Variants in PUM2 observed in about 807,000 individuals in gnomAD.
PUM2 encodes pumilio homolog 2.
A neutral mutation model predicts 124.5 loss-of-function variants in PUM2; 57 were observed. The ratio of observed to expected loss-of-function variants is 0.46; its 90% CI spans 0.37 to 0.57. PUM2 has a LOEUF of 0.57. Among genes scored for constraint, PUM2 ranks in the 20% least tolerant of loss-of-function variants. The pLI, the probability that PUM2 is intolerant of heterozygous loss-of-function variation, is 0.00. For missense variants in PUM2, 1,065 were observed against 1,290.6 expected (o/e 0.83, Z 2.68); for synonymous variants, 460 against 446.1 (o/e 1.03, Z -0.39).
chr2:20,303,367 C>A (rs1677449565), intron 7 of PUM2, among the ~76,000 whole-genome samples: 1 of 151,190 alleles, frequency 6.6e-6, no homozygotes, highest in African/African-American at 2.4e-5. Context: ...GGCCACTGCA[C>A]TCTATGCCTG....
intron 13 of PUM2, among the ~76,000 whole-genome samples, chr2:20,264,355 AAAAAAAAAAAAAATATAT>A (rs1482849103): frequency 5.6e-5 from 4 of 71,594 alleles, no homozygotes; most frequent in African/African-American, 2.2e-4. Context: ...AAAAAAAAAA[AAAAAAAAAAAAAATATAT>A]ATATATATAT....
chr2:20,255,410 G>A, intron 17 of PUM2, 69 bp from the exon 18 acceptor site: 1 of 1,433,514 alleles, frequency 7.0e-7, no homozygotes, highest in Non-Finnish European at 9.3e-7. Flanking sequence ...GAAGCAGACT[G>A]GTTTGTTTTT....
upstream of PUM2, among the ~76,000 whole-genome samples, chr2:20,351,061 C>T (rs1689287864): frequency 6.6e-6 from 1 of 152,198 alleles, no homozygotes; most frequent in Non-Finnish European, 1.5e-5. Context: ...CGGGCTCGCG[C>T]TTCCCTCCTG....
chr2:20,266,801 A>G (rs1667766748), intron 13 of PUM2, among the ~76,000 whole-genome samples: 1 of 152,084 alleles, frequency 6.6e-6, no homozygotes, highest in South Asian at 2.1e-4. Context: ...GTAATCCGTG[A>G]TCCTCAATTT....
At chr2:20,284,559 T>C (rs1008606970) in intron 10 of PUM2, among the ~76,000 whole-genome samples, 2 of 152,140 alleles carry the variant, frequency 1.3e-5, no homozygotes, top group Non-Finnish European at 2.9e-5. Context: ...GGCCTCACTA[T>C]GTTGCCTAGC....
At chr2:20,276,283 G>A (rs963537814) in intron 13 of PUM2, among the ~76,000 whole-genome samples, 5 of 140,470 alleles carry the variant, frequency 3.6e-5, no homozygotes, top group Admixed American at 7.4e-5. Flanking sequence ...TTGAAAGACA[G>A]CACAGACTGT....
At chr2:20,322,200 T>C (rs1253409808) in intron 2 of PUM2, among the ~76,000 whole-genome samples, 1 of 152,130 alleles carries the variant, frequency 6.6e-6, no homozygotes, top group East Asian at 1.9e-4. Flanking sequence ...AATCATGCCA[T>C]GAGAAGATAT....
chr2:20,274,996 CAAT>C (rs939011098), intron 13 of PUM2, among the ~76,000 whole-genome samples: 28 of 56,230 alleles, frequency 5.0e-4, no homozygotes, highest in African/African-American at 1.5e-3. Context: ...CTATCCTAGA[CAAT>C]GATGTATAAA....
At chr2:20,283,730 T>C (rs538284365) in intron 10 of PUM2, among the ~76,000 whole-genome samples, 4 of 152,126 alleles carry the variant, frequency 2.6e-5, no homozygotes, top group African/African-American at 9.6e-5. Context: ...AATGAAGAGG[T>C]ATTTTCCTTA....
chr2:20,308,661 T>G, intron 5 of PUM2, 77 bp from the exon 6 acceptor site: 1 of 1,395,100 alleles, frequency 7.2e-7, no homozygotes, highest in Non-Finnish European at 9.7e-7. Context: ...AGAAAAATCA[T>G]GAAAAACAAA....
At chr2:20,315,855 A>AAC (rs1251051188) in intron 3 of PUM2, among the ~76,000 whole-genome samples, 5 of 151,246 alleles carry the variant, frequency 3.3e-5, no homozygotes, top group African/African-American at 1.2e-4. Flanking sequence ...AAAAAAAAAA[A>AAC]AAACAAACCA....
intron 17 of PUM2, among the ~76,000 whole-genome samples, 184 bp from the exon 18 acceptor site, chr2:20,255,525 G>GAGC (rs1320699623): frequency 2.2e-4 from 33 of 152,036 alleles, no homozygotes; most frequent in African/African-American, 7.7e-4. Context: ...TGGGGACAGG[G>GAGC]AGCACTCCAT....
In PUM2 at chr2:20,256,287, TA is replaced by T. The variant is rs1209482949; in HGVS notation, c.2485-118del. 5 of 948,580 alleles carry T rather than the reference TA, an allele frequency of 5.3e-6. No homozygotes were observed. In the Admixed American group the frequency reaches 1.1e-4, roughly 22 times the overall value. The allele number at this position is 948,580 out of a possible 1,614,324, so 58.8% of individuals were successfully genotyped here. On this transcript the variant is annotated intron_variant, in intron 16 of 20. Transcript: ENST00000361078. ...AATCTCAGTATATTTATCTCAGTAT[TA>T]AAAATACTGAGATGGGAACACAAAT...
chr2:20,339,377 A>G (rs1686782886), intron 1 of PUM2, among the ~76,000 whole-genome samples: 1 of 152,076 alleles, frequency 6.6e-6, no homozygotes, highest in Non-Finnish European at 1.5e-5. Flanking sequence ...AAACATCTAA[A>G]CGAAGCATCA....
intron 9 of PUM2, among the ~76,000 whole-genome samples, chr2:20,291,323 G>C (rs1473941812): frequency 6.6e-6 from 1 of 152,216 alleles, no homozygotes; most frequent in East Asian, 1.9e-4. Context: ...GTCAGCCTCT[G>C]TCCAGAGCTA....
chr2:20,336,882 A>G (rs1486194715), intron 1 of PUM2, among the ~76,000 whole-genome samples: 1 of 151,832 alleles, frequency 6.6e-6, no homozygotes, highest in Non-Finnish European at 1.5e-5. Flanking sequence ...TCGGCCTCCC[A>G]AAGTGCTGGG....
chr2:20,336,746 ATCTGTGTGTGTGTG>A (rs1244138217), intron 1 of PUM2, among the ~76,000 whole-genome samples: 8 of 87,312 alleles, frequency 9.2e-5, no homozygotes, highest in Admixed American at 3.9e-4. Flanking sequence ...GCCCAGGCTG[ATCTGTGTGTGTGTG>A]TGTGTGTGTG....
At chr2:20,336,698 T>TGTGTGTGC (rs1252737520) in intron 1 of PUM2, among the ~76,000 whole-genome samples, 1 of 149,972 alleles carries the variant, frequency 6.7e-6, no homozygotes, top group Non-Finnish European at 1.5e-5. Context: ...TGTGTGTGTG[T>TGTGTGTGC]GTGTGTGTGT....
rs548076861 is a variant in PUM2, at chr2:20,350,264, G to C, written c.-19+333C>G. 570 of 171,122 alleles carry C rather than the reference G, an allele frequency of 3.3e-3. 6 individuals are homozygous for C. Among genetic ancestry groups the C allele is most frequent in the African/African-American group, 0.013 (556 of 41,864 alleles). The allele number at this position is 171,122 out of a possible 1,614,324, so 10.6% of individuals were successfully genotyped here. On this transcript the variant is annotated intron_variant, in intron 1 of 20. Coordinates refer to ENST00000361078, the MANE Select transcript of PUM2 (RefSeq NM_015317.5). ...CTCTCCCCTCTTTCCGAACCCTAGG[G>C]CCGACAGCTCGGTCTCTAACCTCCA...
Sources: allele counts gnomAD v4.1 joint callset (sites outside exome capture counted in the v4.1 genomes callset), GRCh38; gene constraint gnomAD v4.1.1; transcripts MANE v1.5; gene names NCBI Gene and HGNC (gene_info 2026-07-23, HGNC 2026-07-21).